Variants in TDRD12 observed in about 807,000 individuals in gnomAD.
TDRD12 encodes the protein putative ATP-dependent RNA helicase TDRD12.
Under a neutral mutation model 133.5 loss-of-function variants are expected in TDRD12, and 158 were observed. The observed-to-expected ratio is 1.18, with a 90% CI of 1.04 to 1.35. The LOEUF is 1.35. Ranked by LOEUF, TDRD12 falls within the 40% of genes most tolerant of loss-of-function variation. The pLI, the probability that TDRD12 is intolerant of heterozygous loss-of-function variation, is 0.00. For synonymous variants in TDRD12, 460 were observed against 477.9 expected (o/e 0.96, Z 0.49); for missense variants, 1,443 against 1,321.3 (o/e 1.09, Z -1.43).
intron 10 of TDRD12, among the ~76,000 whole-genome samples, chr19:32,774,591 A>G: frequency 6.6e-6 from 1 of 152,084 alleles, no homozygotes; most frequent in Non-Finnish European, 1.5e-5. Flanking sequence ...CATTGTTCCC[A>G]GCACTGCCTC....
intron 25 of TDRD12, among the ~76,000 whole-genome samples, chr19:32,815,212 C>G (rs1414210791): frequency 6.6e-6 from 1 of 152,056 alleles, no homozygotes; most frequent in Non-Finnish European, 1.5e-5. Flanking sequence ...CTTGCCACCC[C>G]CCCACCACCT....
chr19:32,721,440 C>T (rs1968660146), intron 1 of TDRD12, among the ~76,000 whole-genome samples: 1 of 152,022 alleles, frequency 6.6e-6, no homozygotes. Flanking sequence ...GGCTGGAGTG[C>T]AGTGGTGTGA....
chr19:32,755,437 G>A (rs1371546109), intron 6 of TDRD12, among the ~76,000 whole-genome samples: 2 of 152,180 alleles, frequency 1.3e-5, no homozygotes, highest in African/African-American at 4.8e-5. Flanking sequence ...TTAAATTTGC[G>A]TTTCCCTAAT....
chr19:32,820,907 A>G, intron 27 of TDRD12, 126 bp from the exon 28 acceptor site: 1 of 678,680 alleles, frequency 1.5e-6, no homozygotes, highest in Non-Finnish European at 2.5e-6. Flanking sequence ...CTTAAATGTC[A>G]TAAGCTCTAC....
At chr19:32,817,843 G>A (rs528482635) in intron 26 of TDRD12, among the ~76,000 whole-genome samples, 3 of 149,502 alleles carry the variant, frequency 2.0e-5, no homozygotes, top group South Asian at 2.2e-4. Flanking sequence ...TAAATGGCCC[G>A]TACACACGAC....
At chr19:32,770,153 C>T (rs924995598) in intron 8 of TDRD12, among the ~76,000 whole-genome samples, 20 of 151,766 alleles carry the variant, frequency 1.3e-4, no homozygotes, top group Non-Finnish European at 7.4e-5. Flanking sequence ...ATTAAAGGCA[C>T]GCACCACCAT....
chr19:32,738,860 G>A, exon 3 of TDRD12: 2 of 1,550,896 alleles, frequency 1.3e-6, no homozygotes, highest in African/African-American at 1.4e-5. Context: ...TTGCAGGTGT[G>A]TGTGGTCTAT....
At chr19:32,728,628 G>A (rs1968933133) in intron 1 of TDRD12, among the ~76,000 whole-genome samples, 1 of 147,056 alleles carries the variant, frequency 6.8e-6, no homozygotes, top group Non-Finnish European at 1.5e-5. Context: ...TATACCCCTT[G>A]TGAAATTTTT....
chr19:32,746,363 A>T (rs1341089417), intron 4 of TDRD12, among the ~76,000 whole-genome samples: 1 of 54,552 alleles, frequency 1.8e-5, no homozygotes, highest in African/African-American at 7.6e-5. Flanking sequence ...GGGGAGAGAG[A>T]CTGGCTGATG....
intron 11 of TDRD12, among the ~76,000 whole-genome samples, chr19:32,777,489 A>T (rs532662383): frequency 1.1e-4 from 16 of 152,166 alleles, no homozygotes; most frequent in African/African-American, 3.6e-4. Context: ...TGAAGTGAAC[A>T]GTGTCACAAA....
chr19:32,728,649 T>G (rs1017227650), intron 1 of TDRD12, among the ~76,000 whole-genome samples: 22 of 149,176 alleles, frequency 1.5e-4, no homozygotes, highest in Admixed American at 5.3e-4. Context: ...CTTTTCCTTT[T>G]TTTTTTTTTT....
At chr19:32,746,889 TGAGAGAGA>T (rs140171399) in intron 4 of TDRD12, among the ~76,000 whole-genome samples, 4 of 134,836 alleles carry the variant, frequency 3.0e-5, no homozygotes, top group African/African-American at 8.5e-5. Context: ...TGTGTGTGTG[TGAGAGAGA>T]GAGAGAGAGA....
chr19:32,749,989 T>G, intron 6 of TDRD12, 120 bp downstream of exon 6: 2 of 722,820 alleles, frequency 2.8e-6, no homozygotes, highest in South Asian at 2.2e-5. Context: ...TCTTAATCTC[T>G]TAAGGTCTAT....
At chr19:32,730,995 A>G (rs1294399460) in intron 1 of TDRD12, among the ~76,000 whole-genome samples, 2 of 152,222 alleles carry the variant, frequency 1.3e-5, no homozygotes, top group African/African-American at 2.4e-5. Flanking sequence ...AACCTGGGTG[A>G]CACAGCGAGA....
chr19:32,827,119 G>A, intron 9 of TDRD12, 45 bp from the exon 33 acceptor site: 1 of 1,069,732 alleles, frequency 9.3e-7, no homozygotes, highest in Non-Finnish European at 1.2e-6. Context: ...ATAAAGATTT[G>A]CTGATTAGTC....
rs1354372087 is a variant in TDRD12, at chr19:32,806,291, A to G, written c.2553-1258A>G. On this transcript the variant is annotated intron_variant, in intron 21 of 27. Coordinates refer to ENST00000444215, the Ensembl canonical transcript of TDRD12. ...TAACGTTTTTGAATTATGGTACATTAAATGTGTTACTAGCAGTATTCCTAT... is the reference window on the plus strand; with the variant it reads ...TAACGTTTTTGAATTATGGTACATTGAATGTGTTACTAGCAGTATTCCTAT... Among the ~76,000 whole-genome samples, 4 of 151,836 alleles carry G rather than the reference A, an allele frequency of 2.6e-5. No individual in the cohort carries two copies. The East Asian group carries it at 7.7e-4, about 29-fold the overall frequency.
chr19:32,741,173 C>G (rs1478030233), intron 3 of TDRD12, among the ~76,000 whole-genome samples: 2 of 152,180 alleles, frequency 1.3e-5, no homozygotes, highest in Non-Finnish European at 2.9e-5. Context: ...ATCTCTGCCT[C>G]CCAGTTCAAG....
At chr19:32,823,833 G>T (rs1967491301), downstream of TDRD12, among the ~76,000 whole-genome samples, 1 of 152,206 alleles carries the variant, frequency 6.6e-6, no homozygotes, top group African/African-American at 2.4e-5. Context: ...GGATCCAGTA[G>T]ACTGCAGAGT....
rs148166606 is a variant in TDRD12 at position 32,767,289 on chromosome 19, C to T, written c.866-5464C>T. Among the ~76,000 whole-genome samples, 483 of 151,584 alleles carry T rather than the reference C, an allele frequency of 3.2e-3. 4 individuals carry two copies. The highest frequency in any genetic ancestry group is 0.011 in the African/African-American group (442 of 41,318). ...GATTACAGGTGTGCACCACTATGCC[C>T]GGCTAATTTTTGTATTTTTAGTAGA... On this transcript the variant is annotated intron_variant, in intron 8 of 27. Transcript: ENST00000444215.
Sources: allele counts gnomAD v4.1 joint callset (sites outside exome capture counted in the v4.1 genomes callset), GRCh38; gene constraint gnomAD v4.1.1; transcripts MANE v1.5; gene names NCBI Gene and HGNC (gene_info 2026-07-23, HGNC 2026-07-21).